Variants in ZNF263 observed in about 807,000 individuals in gnomAD.
ZNF263 encodes zinc finger protein 263.
In ZNF263, 49 loss-of-function variants were observed where a neutral mutation model predicts 63.1. The observed-to-expected ratio is 0.78, with a 90% CI of 0.62 to 0.99. The LOEUF (loss-of-function observed/expected upper bound fraction) is 0.99. Among genes scored for constraint, ZNF263 ranks in the 50% least tolerant of loss-of-function variants. ZNF263 has a pLI of 0.00. For synonymous variants in ZNF263, 352 were observed against 324.2 expected (o/e 1.09, Z -0.92); for missense variants, 872 against 854.8 (o/e 1.02, Z -0.25).
At position 3,289,332 on chromosome 16, in the gene ZNF263, G is replaced by A. The variant is rs185946168; in HGVS notation, c.887-61G>A. The stretch of plus-strand genomic sequence containing the variant: ...ACCTAACAGGCAGCGGCAGACAGGT[G>A]GGATTTTCTTTTCTCCAGCATAGAA... On this transcript the variant is annotated intron_variant, in intron 5 of 5. Transcript: ENST00000219069. 98 of 1,481,454 alleles carry A rather than the reference G, an allele frequency of 6.6e-5. No homozygotes were observed. In the African/African-American group the frequency reaches 1.2e-3, roughly 18 times the overall value. The allele number at this position is 1,481,454 out of a possible 1,614,324, so 91.8% of individuals were successfully genotyped here.
downstream of ZNF263, among the ~76,000 whole-genome samples, chr16:3,295,045 C>T (rs547247108): frequency 6.6e-6 from 1 of 152,186 alleles, no homozygotes; most frequent in South Asian, 2.1e-4. Context: ...AGCCCCAGCA[C>T]CCGGCGCAAG....
chr16:3,284,986 C>G, intron 1 of ZNF263, 73 bp from the exon 2 acceptor site: 1 of 1,562,638 alleles, frequency 6.4e-7, no homozygotes, highest in Non-Finnish European at 8.8e-7. Context: ...AAGGTTTGCT[C>G]TCAGTATCCT....
At chr16:3,284,258 G>A in intron 1 of ZNF263, 53 bp downstream of exon 1, 1 of 1,456,782 alleles carries the variant, frequency 6.9e-7, no homozygotes, top group South Asian at 1.5e-5. Flanking sequence ...CCTGAGCACT[G>A]GGACATTGCG....
In ZNF263 at chr16:3,290,052, C is replaced by G; in HGVS notation, c.1546C>G (p.Arg516Gly). ...GCACCAGAGAATTCACACTGGAGAGCGACCTTATAAGTGTCCCGAGTGTGG... is the reference window on the plus strand; with the variant it reads ...GCACCAGAGAATTCACACTGGAGAGGGACCTTATAAGTGTCCCGAGTGTGG... ...LRHQRIHTGE[R>G]PYKCPECGKS... Residue 516 changes from arginine (R) to glycine (G), a missense_variant, in exon 6 of 6, where the codon CGA (arginine) becomes GGA (glycine). Physicochemically the swap from Arg to Gly is moderately radical, Grantham distance 125. Coordinates refer to ENST00000219069, the MANE Select transcript of ZNF263 (RefSeq NM_005741.5). 6.2e-7 allele frequency: 1 copy of G among 1,613,820 alleles called. No homozygotes were observed. Among genetic ancestry groups the G allele is most frequent in the South Asian group, 1.1e-5 (1 of 91,062 alleles).
At chr16:3,296,026 C>T (rs1959736302), downstream of ZNF263, among the ~76,000 whole-genome samples, 1 of 152,168 alleles carries the variant, frequency 6.6e-6, no homozygotes, top group Non-Finnish European at 1.5e-5. Context: ...AGACTGAGCC[C>T]CTGCTTCACA....
downstream of ZNF263, chr16:3,293,355 C>A (rs1451303167): frequency 8.5e-5 from 13 of 152,244 alleles, no homozygotes; most frequent in Admixed American, 8.5e-4. Context: ...TTCTTGAGGC[C>A]TCCCCAGCCA....
chr16:3,299,345 G>C, intron 2 of ZNF263: 1 of 1,589,370 alleles, frequency 6.3e-7, no homozygotes, highest in Non-Finnish European at 8.5e-7. Context: ...CATTTTTCAA[G>C]AATTTCTCTA....
chr16:3,286,455 A>G (rs1255151318), intron 4 of ZNF263: 7 of 220,232 alleles, frequency 3.2e-5, no homozygotes, highest in Non-Finnish European at 5.3e-5. Flanking sequence ...GCAGTATTCC[A>G]GGATGCTGGG....
intron 5 of ZNF263, among the ~76,000 whole-genome samples, 179 bp downstream of exon 5, chr16:3,288,749 G>T (rs1016445525): frequency 6.6e-6 from 1 of 152,092 alleles, no homozygotes; most frequent in Middle Eastern, 3.4e-3. Flanking sequence ...AGGTTCAAGC[G>T]GTTCTCCTGC....
Position 3,288,515 on chromosome 16 carries a change from G to GGAT in ZNF263, c.832_834dup (p.Asp278dup), listed in dbSNP as rs1959466603. The GGAT allele has an allele frequency of 6.2e-7, 1 of 1,612,888 alleles. No individual in the cohort carries two copies. Among genetic ancestry groups the GGAT allele is most frequent in the Non-Finnish European group, 8.5e-7 (1 of 1,179,500 alleles). On this transcript the variant is annotated inframe_insertion, in exon 5 of 6. Transcript: ENST00000219069. ...AGGTGGGACAAGGAGGAAAGCTATG[G>GGAT]GATCCCAGTGTCCAGAGCTGCAAGG...
intron 2 of ZNF263, among the ~76,000 whole-genome samples, 179 bp downstream of exon 2, chr16:3,285,418 G>A (rs1959309618): frequency 6.6e-6 from 1 of 152,214 alleles, no homozygotes; most frequent in African/African-American, 2.4e-5. Context: ...GGGAAGGGAA[G>A]GGAGTCTCAG....
downstream of ZNF263, among the ~76,000 whole-genome samples, chr16:3,295,472 T>C (rs1959718613): frequency 6.6e-6 from 1 of 152,210 alleles, no homozygotes; most frequent in Non-Finnish European, 1.5e-5. Context: ...CCGCAGGGGT[T>C]TCCTCTCCTA....
chr16:3,289,738 G>T lies in ZNF263; in HGVS notation c.1232G>T (p.Cys411Phe). 2.5e-6 allele frequency: 4 copies of T among 1,614,248 alleles called. No individual in the cohort carries two copies. Among genetic ancestry groups the T allele is most frequent in the Middle Eastern group, 1.6e-4 (1 of 6,062 alleles). ...GAAAGACTGTGTATGGGTGTGGACT[G>T]CACTGAAATCTTTGGTGGGAACCCA... The part of the protein sequence containing the change: ...AAERLCMGVD[C>F]TEIFGGNPRF... The change falls in exon 6 of 6, where the codon TGC (cysteine) becomes TTC (phenylalanine). Residue 411 changes from cysteine (C) to phenylalanine (F), a missense_variant. By Grantham distance (205) the Cys-to-Phe change is radical. Coordinates refer to ENST00000219069, the MANE Select transcript of ZNF263 (RefSeq NM_005741.5).
intron 5 of ZNF263, among the ~76,000 whole-genome samples, chr16:3,288,893 C>T (rs538372189): frequency 2.6e-5 from 4 of 152,216 alleles, no homozygotes; most frequent in African/African-American, 9.6e-5. Flanking sequence ...CCACCCACCT[C>T]GGCCTCCCAA....
At chr16:3,293,924 TTTTTTG>T (rs1357749894), downstream of ZNF263, among the ~76,000 whole-genome samples, 2 of 152,240 alleles carry the variant, frequency 1.3e-5, no homozygotes, top group Non-Finnish European at 2.9e-5. Flanking sequence ...GGCTCAGCAC[TTTTTTG>T]TTTTGTTTTG....
chr16:3,295,715 C>T (rs545941467), downstream of ZNF263, among the ~76,000 whole-genome samples: 14 of 152,320 alleles, frequency 9.2e-5, no homozygotes, highest in Non-Finnish European at 2.1e-4. Flanking sequence ...GAATAAGGGT[C>T]GGGCAAGAAT....
At chr16:3,299,537 C>T in intron 2 of ZNF263, 2 of 1,527,436 alleles carry the variant, frequency 1.3e-6, no homozygotes, top group Non-Finnish European at 1.8e-6. Flanking sequence ...TTCTCTTGCT[C>T]ATCATCACTT....
At chr16:3,285,304 C>T in intron 2 of ZNF263, 65 bp downstream of exon 2, 1 of 1,492,124 alleles carries the variant, frequency 6.7e-7, no homozygotes, top group East Asian at 2.4e-5. Context: ...CCGACACTAG[C>T]TGGATGTAGC....
At chr16:3,301,115 G>A (rs1959928361) in exon 3 of ZNF263, 2 of 168,080 alleles carry the variant, frequency 1.2e-5, no homozygotes, top group Non-Finnish European at 2.9e-5. Context: ...CTTGTGTGTA[G>A]CAGAGATGCA....
Sources: allele counts gnomAD v4.1 joint callset (sites outside exome capture counted in the v4.1 genomes callset), GRCh38; gene constraint gnomAD v4.1.1; transcripts MANE v1.5; gene names NCBI Gene and HGNC (gene_info 2026-07-23, HGNC 2026-07-21).